PRKN: variants seen among roughly 807,000 people sequenced by gnomAD.
The protein encoded by PRKN is parkin RBR E3 ubiquitin protein ligase.
PRKN carries 56 observed loss-of-function variants against 59.5 expected under a neutral mutation model. That is an observed-to-expected ratio of 0.94 (90% CI 0.76 to 1.18). PRKN has a LOEUF of 1.18. PRKN is among the 50% of genes most tolerant of loss of function. The pLI is 0.00. For synonymous variants in PRKN, 250 were observed against 222.1 expected (o/e 1.13, Z -1.12); for missense variants, 657 against 596.4 (o/e 1.10, Z -1.06).
At position 162,467,845 on chromosome 6, in the gene PRKN, T is replaced by C. The variant is rs1403333392; in HGVS notation, c.8-24372A>G. 4.6e-5 allele frequency among the ~76,000 whole-genome samples: 7 copies of C among 152,082 alleles called. No individual in the cohort carries two copies. In the South Asian group the frequency reaches 1.5e-3, roughly 32 times the overall value. ...TACGCCGCCCACCGAGCTCCCGCTA[T>C]GCTGTGTCTGGAAGAAGCCAACCCC... On this transcript the variant is annotated intron_variant, in intron 1 of 11. Transcript: ENST00000366898.
chr6:162,411,940 C>T (rs1328534990), intron 2 of PRKN, among the ~76,000 whole-genome samples: 1 of 152,112 alleles, frequency 6.6e-6, no homozygotes, highest in Non-Finnish European at 1.5e-5. Context: ...ACTCCCTTTG[C>T]TTTAAACACA....
chr6:161,924,532 G>C (rs1273968243), intron 6 of PRKN, among the ~76,000 whole-genome samples: 1 of 152,138 alleles, frequency 6.6e-6, no homozygotes, highest in Non-Finnish European at 1.5e-5. Context: ...ATGAATTTCA[G>C]TAATTCAGAA....
At chr6:161,774,382 GCACACACACACACACA>G (rs3220723) in intron 7 of PRKN, among the ~76,000 whole-genome samples, 21 of 131,030 alleles carry the variant, frequency 1.6e-4, no homozygotes, top group South Asian at 1.6e-3. Flanking sequence ...TACTCCCTGA[GCACACACACACACACA>G]CACACACACA....
At chr6:162,552,965 G>A (rs1193739406) in intron 1 of PRKN, among the ~76,000 whole-genome samples, 1 of 152,138 alleles carries the variant, frequency 6.6e-6, no homozygotes, top group African/African-American at 2.4e-5. Flanking sequence ...CTGGAGAGAG[G>A]CTGCGTAAGA....
intron 7 of PRKN, among the ~76,000 whole-genome samples, chr6:161,721,690 GAT>G (rs1787229656): frequency 6.6e-6 from 1 of 152,176 alleles, no homozygotes; most frequent in South Asian, 2.1e-4. Context: ...GGGCTGCGTG[GAT>G]GGCCCGTCAG....
Position 161,895,647 on chromosome 6 carries a change from TGAGATTCAGGAGCACGCCCACCCCTCC to T in PRKN, c.734+77628_734+77654del, listed in dbSNP as rs1404951193. 2.9e-4 allele frequency among the ~76,000 whole-genome samples: 38 copies of T among 132,510 alleles called. 1 individual carries two copies. Among genetic ancestry groups the T allele is most frequent in the African/African-American group, 1.1e-3 (34 of 31,516 alleles). The allele number at this position is 132,510 out of a possible 152,430, so 86.9% of individuals were successfully genotyped here. The stretch of plus-strand genomic sequence containing the variant: ...CTGTTATGCTCCCCAGTGAGGCTTC[TGAGATTCAGGAGCACGCCCACCCCTCC>T]TGCTGTTATGCCCCCCAGTGAGGCT... On this transcript the variant is annotated intron_variant, in intron 6 of 11. Coordinates refer to ENST00000366898, the MANE Select transcript of PRKN (RefSeq NM_004562.3).
chr6:162,574,766 TG>T (rs58901779), intron 1 of PRKN, among the ~76,000 whole-genome samples: 33,096 of 120,458 alleles, frequency 0.27, 4,588 homozygotes, highest in African/African-American at 0.44. Flanking sequence ...GATACTAAGT[TG>T]TTTTTTTTTT....
At chr6:161,636,624 C>A (rs1783532018) in intron 7 of PRKN, among the ~76,000 whole-genome samples, 1 of 152,118 alleles carries the variant, frequency 6.6e-6, no homozygotes, top group African/African-American at 2.4e-5. Flanking sequence ...GATGGAAATG[C>A]CAAAGAGCAA....
intron 4 of PRKN, among the ~76,000 whole-genome samples, chr6:162,159,160 T>G (rs1224957898): frequency 1.3e-5 from 2 of 151,010 alleles, no homozygotes; most frequent in Non-Finnish European, 2.9e-5. Flanking sequence ...CCTATCTCTA[T>G]CTATTAAATT....
intron 5 of PRKN, among the ~76,000 whole-genome samples, chr6:161,983,815 A>G (rs1486575336): frequency 9.1e-6 from 1 of 110,208 alleles, no homozygotes; most frequent in African/African-American, 3.9e-5. Context: ...TAGATGACAC[A>G]TTAGTGGGTG....
Position 161,378,732 on chromosome 6 carries a change from C to T in PRKN, c.1167+8062G>A, listed in dbSNP as rs538950623. On this transcript the variant is annotated intron_variant, in intron 10 of 11. Transcript: ENST00000366898. The surrounding 1 kb of genome is among the most constrained non-coding windows in gnomAD (Gnocchi z 7.3). ...CGGATGGACCAGGCTTGCACGATGCCGCTGGAGCTGCACTGTGATGTGGGC... is the reference window on the plus strand; with the variant it reads ...CGGATGGACCAGGCTTGCACGATGCTGCTGGAGCTGCACTGTGATGTGGGC... Among the ~76,000 whole-genome samples the T allele has an allele frequency of 2.0e-5, 3 of 152,308 alleles. No individual in the cohort carries two copies. The East Asian group carries it at 5.8e-4, about 29-fold the overall frequency.
At chr6:161,656,950 G>A (rs998197434) in intron 7 of PRKN, among the ~76,000 whole-genome samples, 1 of 152,180 alleles carries the variant, frequency 6.6e-6, no homozygotes, top group Non-Finnish European at 1.5e-5. Flanking sequence ...CTCGTAAGTT[G>A]TGTGTTTCTG....
At chr6:162,475,245 A>C (rs920077338) in intron 1 of PRKN, among the ~76,000 whole-genome samples, 4 of 152,240 alleles carry the variant, frequency 2.6e-5, no homozygotes, top group Non-Finnish European at 5.9e-5. Context: ...ATCTTGGTCA[A>C]CAAGGCTAAG....
intron 5 of PRKN, among the ~76,000 whole-genome samples, chr6:162,017,320 T>G (rs1233992606): frequency 6.6e-6 from 1 of 152,150 alleles, no homozygotes; most frequent in Non-Finnish European, 1.5e-5. Flanking sequence ...CTAGTTTACA[T>G]GCATGTACAT....
Position 161,545,412 on chromosome 6 carries a change from G to A in PRKN, c.1083+3442C>T. The A allele has an allele frequency of 6.2e-7, 1 of 1,612,090 alleles. No homozygotes were observed. Among genetic ancestry groups the A allele is most frequent in the South Asian group, 1.1e-5 (1 of 91,014 alleles). ...GAGGCACTCACTTCTCCCTGAGGCA[G>A]CTTATTTTGTTCTTCGTTGTCCATA... On this transcript the variant is annotated intron_variant, in intron 9 of 11. Transcript: ENST00000366898. This position sits in a 1 kb window ranked among gnomAD's most constrained non-coding sequence, Gnocchi z 4.1.
chr6:162,311,960 C>T (rs1398658375), intron 2 of PRKN, among the ~76,000 whole-genome samples: 1 of 151,976 alleles, frequency 6.6e-6, no homozygotes, highest in Non-Finnish European at 1.5e-5. Flanking sequence ...AGCACATAAC[C>T]AAGACGCTTG....
chr6:162,169,508 T>C (rs2023082), intron 4 of PRKN, among the ~76,000 whole-genome samples: 3,821 of 152,298 alleles, frequency 0.025, 178 homozygotes, highest in African/African-American at 0.087. Context: ...ATAAGACTTC[T>C]GAAATACTTA....
intron 1 of PRKN, among the ~76,000 whole-genome samples, chr6:162,511,152 T>C (rs899871171): frequency 9.9e-5 from 15 of 152,166 alleles, no homozygotes; most frequent in Non-Finnish European, 2.9e-5. Flanking sequence ...TACATTTTAA[T>C]TATGTCCCCT....
intron 1 of PRKN, among the ~76,000 whole-genome samples, chr6:162,578,434 T>C (rs538548933): frequency 6.6e-6 from 1 of 152,186 alleles, no homozygotes; most frequent in Non-Finnish European, 1.5e-5. Context: ...AAATTAATTA[T>C]CGTTTTTAAA....
Sources: gnomAD v4.1 joint callset for allele counts (sites outside exome capture counted in the v4.1 genomes callset) on GRCh38, gnomAD v4.1.1 for gene constraint, Gnocchi (gnomAD v3.1) non-coding constraint, MANE v1.5 for transcripts, NCBI Gene and HGNC (gene_info 2026-07-23, HGNC 2026-07-21) for gene names.